The following COL6A6 variants were observed in gnomAD, a reference collection of about 807,000 sequenced individuals.
The protein encoded by COL6A6 is collagen alpha-6(VI) chain.
Under a neutral mutation model 208.6 loss-of-function variants are expected in COL6A6, and 183 were observed. The ratio of observed to expected loss-of-function variants is 0.88; its 90% CI spans 0.78 to 0.99. The LOEUF is 0.99. COL6A6 is among the 50% of genes least tolerant of loss of function. The pLI, the probability that COL6A6 is intolerant of heterozygous loss-of-function variation, is 0.00. For synonymous variants in COL6A6, 973 were observed against 1,011.8 expected, an observed-to-expected ratio of 0.96 and a Z score of 0.73; for missense variants, 2,816 against 2,815.2, an observed-to-expected ratio of 1.00 and a Z score of -0.01.
In COL6A6 at chr3:130,594,219, G is replaced by GT; in HGVS notation, c.4471-57dup. On this transcript the variant is annotated intron_variant, in intron 17 of 36. Transcript: ENST00000358511. ...TCACACCAGGGAGAAGAAAAGCTCT[G>GT]TTTTTATTAATTTTATTAAAACTTC... The GT allele has an allele frequency of 3.9e-6, 5 of 1,272,598 alleles. No individual in the cohort carries two copies. The South Asian group carries it at 6.1e-5, about 16-fold the overall frequency. 78.8% of individuals were successfully genotyped at this position (1,272,598 alleles called of 1,614,324 possible). A position where few individuals can be genotyped will look rare whatever the true frequency, so the allele number is the denominator to read the frequency against.
At chr3:130,665,169 T>C (rs1201653758) in intron 36 of COL6A6, 73 bp downstream of exon 36, 1 of 926,180 alleles carries the variant, frequency 1.1e-6, no homozygotes, top group African/African-American at 1.7e-5. Flanking sequence ...CCTCCTCCTT[T>C]TCTTGCTTTT....
At chr3:130,567,511 T>A (rs1398048419) in intron 5 of COL6A6, among the ~76,000 whole-genome samples, 3 of 152,242 alleles carry the variant, frequency 2.0e-5, no homozygotes, top group Non-Finnish European at 4.4e-5. Context: ...TCACAATTTC[T>A]TGCCAGGATA....
intron 13 of COL6A6, among the ~76,000 whole-genome samples, chr3:130,592,008 C>T (rs2063728171): frequency 6.6e-6 from 1 of 152,144 alleles, no homozygotes; most frequent in African/African-American, 2.4e-5. Flanking sequence ...ACCCAGGTCA[C>T]TGCAGGAGGA....
chr3:130,526,275 C>T lies in COL6A6; in HGVS notation c.-32+8878C>T, dbSNP rs529666119. Among the ~76,000 whole-genome samples the T allele has an allele frequency of 3.3e-5, 5 of 151,824 alleles. No individual in the cohort carries two copies. In the East Asian group the frequency reaches 5.8e-4, roughly 18 times the overall value. On this transcript the variant is annotated intron_variant, in intron 1 of 36. Transcript: ENST00000358511. ...GAATATGAGTCCCTCTTTGTGAAGT[C>T]GGGTAGGGGGACACTTCCAAGCAGG...
intron 26 of COL6A6, among the ~76,000 whole-genome samples, chr3:130,628,270 A>G (rs1045474772): frequency 1.3e-5 from 2 of 152,248 alleles, no homozygotes; most frequent in East Asian, 1.9e-4. Context: ...ATCTTACAAG[A>G]AGGGAAATAT....
chr3:130,668,989 A>T (rs970030402), intron 36 of COL6A6, among the ~76,000 whole-genome samples: 1 of 152,246 alleles, frequency 6.6e-6, no homozygotes. Context: ...TGGAGTGTTT[A>T]TAAGTGTTCC....
Position 130,595,301 on chromosome 3 carries a change from A to G in COL6A6, c.4533+958A>G, listed in dbSNP as rs550630580. On this transcript the variant is annotated intron_variant, in intron 18 of 36. Coordinates refer to ENST00000358511, the MANE Select transcript of COL6A6 (RefSeq NM_001102608.3). ...AAGTAAGTCTCCAAAACCTTAATGA[A>G]TTAAGATTTAGCTTTGTTTTAAAAT... Among the ~76,000 whole-genome samples the G allele has an allele frequency of 2.6e-5, 4 of 152,348 alleles. No homozygotes were observed. In the East Asian group the frequency reaches 5.8e-4, roughly 22 times the overall value.
chr3:130,661,812 G>C lies in COL6A6; in HGVS notation c.6006G>C (p.Glu2002Asp). ...LDHFEITPEP[E>D]TSVTGDRVAL... ...ACTTTGAAATCACCCCAGAGCCGGA[G>C]ACTTCTGTCACTGGAGACCGGGTGG... The change falls in exon 35 of 37, where the codon GAG becomes GAC. Residue 2002 changes from glutamate to aspartate, a missense_variant. Glu to Asp is a conservative substitution (Grantham distance 45). Transcript: ENST00000358511. 6.2e-7 allele frequency: 1 copy of C among 1,613,986 alleles called. No individual in the cohort carries two copies. The highest frequency in any genetic ancestry group is 1.7e-5 in the Admixed American group (1 of 60,022).
At chr3:130,542,298 A>T (rs2062387067) in intron 1 of COL6A6, among the ~76,000 whole-genome samples, 1 of 150,776 alleles carries the variant, frequency 6.6e-6, no homozygotes, top group African/African-American at 2.4e-5. Context: ...TTTTATTTGG[A>T]AGTATGTTGT....
At chr3:130,600,936 T>C (rs950917133) in intron 20 of COL6A6, among the ~76,000 whole-genome samples, 3 of 152,160 alleles carry the variant, frequency 2.0e-5, no homozygotes, top group African/African-American at 7.2e-5. Flanking sequence ...GGTATAGGCA[T>C]ATCTGAGAGT....
At chr3:130,638,687 T>G in intron 28 of COL6A6, among the ~76,000 whole-genome samples, 1 of 127,668 alleles carries the variant, frequency 7.8e-6, no homozygotes, top group East Asian at 2.1e-4. Context: ...GAGATGTGAT[T>G]GGATATTTTG....
At chr3:130,600,414 A>T (rs535591273) in intron 20 of COL6A6, among the ~76,000 whole-genome samples, 38 of 152,300 alleles carry the variant, frequency 2.5e-4, no homozygotes, top group African/African-American at 8.9e-4. Flanking sequence ...ACACATGTAC[A>T]CGTATGTTTA....
At chr3:130,628,376 A>T (rs145491231) in intron 26 of COL6A6, among the ~76,000 whole-genome samples, 174 of 152,354 alleles carry the variant, frequency 1.1e-3, no homozygotes, top group Middle Eastern at 0.01. Context: ...GACACTTTCA[A>T]GTAAAAATTT....
Position 130,600,861 on chromosome 3 carries a change from A to T in COL6A6, c.4653+1051A>T, listed in dbSNP as rs569124392. ...ACATGTTCTGCACTTGTATCCTGGA[A>T]CTTAAAATAAAAATAAAAATTTAAA... On this transcript the variant is annotated intron_variant, in intron 20 of 36. Transcript: ENST00000358511. 2.0e-5 allele frequency among the ~76,000 whole-genome samples: 3 copies of T among 152,300 alleles called. No homozygotes were observed. In the South Asian group the frequency reaches 6.2e-4, roughly 32 times the overall value.
At chr3:130,672,934 C>CG (rs910064534) in intron 36 of COL6A6, among the ~76,000 whole-genome samples, 36 of 149,208 alleles carry the variant, frequency 2.4e-4, no homozygotes, top group African/African-American at 6.7e-4. Context: ...ACTCGAAACC[C>CG]GGGGGGGCAA....
intron 1 of COL6A6, among the ~76,000 whole-genome samples, chr3:130,533,652 G>A (rs1395851841): frequency 6.6e-6 from 1 of 152,158 alleles, no homozygotes; most frequent in Non-Finnish European, 1.5e-5. Context: ...TCCCAGCGGG[G>A]ACCACTGTTC....
At chr3:130,645,127 C>A in intron 32 of COL6A6, 125 bp downstream of exon 32, 2 of 853,830 alleles carry the variant, frequency 2.3e-6, no homozygotes, top group Admixed American at 1.8e-5. Flanking sequence ...TTCTTTGCTG[C>A]TGCCTCATAC....
chr3:130,619,264 G>A (rs2064632619), intron 23 of COL6A6, among the ~76,000 whole-genome samples: 1 of 152,156 alleles, frequency 6.6e-6, no homozygotes, highest in Non-Finnish European at 1.5e-5. Flanking sequence ...CAGCTAGGAA[G>A]TTTGAGTATT....
intron 1 of COL6A6, among the ~76,000 whole-genome samples, chr3:130,523,349 C>T (rs1256093700): frequency 2.0e-5 from 3 of 152,172 alleles, no homozygotes; most frequent in Admixed American, 1.3e-4. Context: ...TTAGCCATAT[C>T]GCTCTCCCAC....
Sources: gnomAD v4.1 joint callset for allele counts (sites outside exome capture counted in the v4.1 genomes callset) on GRCh38, gnomAD v4.1.1 for gene constraint, MANE v1.5 for transcripts, NCBI Gene and HGNC (gene_info 2026-07-23, HGNC 2026-07-21) for gene names.